The following MACROD2 variants were observed in gnomAD, a reference collection of about 807,000 sequenced individuals.
The protein encoded by MACROD2 is ADP-ribose glycohydrolase MACROD2.
Under a neutral mutation model 70.4 loss-of-function variants are expected in MACROD2, and 36 were observed. The observed-to-expected ratio is 0.51, with a 90% confidence interval of 0.39 to 0.68. The LOEUF is 0.68. Among genes scored for constraint, MACROD2 ranks in the 30% least tolerant of loss-of-function variants. The pLI, the probability that MACROD2 is intolerant of heterozygous loss-of-function variation, is 0.00. For missense variants in MACROD2, 496 were observed against 538.4 expected (o/e 0.92, Z 0.78); for synonymous variants, 172 against 178.8 (o/e 0.96, Z 0.30).
intron 6 of MACROD2, among the ~76,000 whole-genome samples, chr20:15,361,515 A>G (rs1481937649): frequency 6.6e-6 from 1 of 152,110 alleles, no homozygotes; most frequent in Non-Finnish European, 1.5e-5. Flanking sequence ...TTCCCACTTT[A>G]TTCTTCTCTT....
At chr20:15,459,549 G>A (rs964147073) in intron 7 of MACROD2, among the ~76,000 whole-genome samples, 2 of 152,038 alleles carry the variant, frequency 1.3e-5, no homozygotes, top group African/African-American at 2.4e-5. Flanking sequence ...ATCCAAGAAG[G>A]TTTCAGTCTT....
intron 4 of MACROD2, among the ~76,000 whole-genome samples, chr20:14,616,971 G>C (rs1435158472): frequency 1.3e-5 from 2 of 152,116 alleles, no homozygotes; most frequent in Non-Finnish European, 2.9e-5. Context: ...AGACACTTGA[G>C]AGTCTCAATT....
chr20:15,038,214 T>G (rs2075328912), intron 5 of MACROD2, among the ~76,000 whole-genome samples: 1 of 152,220 alleles, frequency 6.6e-6, no homozygotes, highest in South Asian at 2.1e-4. Context: ...TTTGGTATGA[T>G]CGAAAATAGA....
chr20:14,486,351 T>G (rs6079462), intron 3 of MACROD2, among the ~76,000 whole-genome samples: 24,189 of 152,056 alleles, frequency 0.16, 2,197 homozygotes, highest in Non-Finnish European at 0.2. Flanking sequence ...TCCTGTCATC[T>G]GCCAGGGCTC....
chr20:15,557,906 C>G (rs962011495), intron 8 of MACROD2, among the ~76,000 whole-genome samples: 2 of 152,104 alleles, frequency 1.3e-5, no homozygotes, highest in African/African-American at 4.8e-5. Context: ...TCATCAACTT[C>G]CCCCTCATAA....
chr20:15,388,229 C>T (rs7268362), intron 6 of MACROD2, among the ~76,000 whole-genome samples: 2,898 of 151,672 alleles, frequency 0.019, 90 homozygotes, highest in African/African-American at 0.066. Flanking sequence ...ACAGTGTGTG[C>T]AAATGGGGCA....
At chr20:15,587,329 C>T (rs1036424706) in intron 8 of MACROD2, among the ~76,000 whole-genome samples, 9 of 152,268 alleles carry the variant, frequency 5.9e-5, no homozygotes, top group Non-Finnish European at 1.2e-4. Context: ...TCCCACAACA[C>T]GTGGGAATTC....
intron 5 of MACROD2, among the ~76,000 whole-genome samples, chr20:15,068,639 C>T (rs578091840): frequency 6.6e-6 from 1 of 152,248 alleles, no homozygotes; most frequent in South Asian, 2.1e-4. Context: ...GCTGGCTCCC[C>T]CTTTGCCTTC....
intron 15 of MACROD2, among the ~76,000 whole-genome samples, chr20:16,039,007 AG>A (rs1276431200): frequency 2.0e-5 from 3 of 151,918 alleles, no homozygotes; most frequent in African/African-American, 7.2e-5. Flanking sequence ...GGTAGTTAGC[AG>A]GGTACCTCTC....
At chr20:14,852,407 T>G (rs1020321155) in intron 5 of MACROD2, among the ~76,000 whole-genome samples, 4 of 152,100 alleles carry the variant, frequency 2.6e-5, no homozygotes. Context: ...TGGGAAAAAT[T>G]GCAGTGGGCA....
At chr20:15,617,927 A>T (rs2049060971) in intron 8 of MACROD2, among the ~76,000 whole-genome samples, 1 of 152,130 alleles carries the variant, frequency 6.6e-6, no homozygotes, top group African/African-American at 2.4e-5. Flanking sequence ...CAATTGATGC[A>T]GGCATGGAAA....
chr20:15,790,341 T>C (rs1282990962), intron 8 of MACROD2, among the ~76,000 whole-genome samples: 2 of 151,816 alleles, frequency 1.3e-5, no homozygotes, highest in Non-Finnish European at 3.0e-5. Context: ...AAGATAGTAA[T>C]GCCTACTATC....
chr20:14,178,418 G>GA (rs1464042869), intron 3 of MACROD2, among the ~76,000 whole-genome samples: 1 of 152,070 alleles, frequency 6.6e-6, no homozygotes, highest in Non-Finnish European at 1.5e-5. Flanking sequence ...ATTCTGTTAT[G>GA]AAAAAATAGC....
At chr20:14,291,348 C>T (rs758770792) in intron 3 of MACROD2, among the ~76,000 whole-genome samples, 1 of 152,158 alleles carries the variant, frequency 6.6e-6, no homozygotes. Context: ...CTTTTAGAAA[C>T]ATTTTGAGCT....
intron 5 of MACROD2, among the ~76,000 whole-genome samples, chr20:14,966,618 C>T (rs114935232): frequency 0.011 from 1,631 of 152,238 alleles, 31 homozygotes; most frequent in African/African-American, 0.037. Flanking sequence ...CCTCTCTTCC[C>T]GTACAAAGCA....
intron 3 of MACROD2, among the ~76,000 whole-genome samples, chr20:14,315,116 A>G (rs961061074): frequency 8.5e-5 from 13 of 152,360 alleles, no homozygotes; most frequent in African/African-American, 3.1e-4. Context: ...AGAGCAAGAT[A>G]GAAAAGGCAG....
chr20:14,858,589 A>C (rs1220050398), intron 5 of MACROD2, among the ~76,000 whole-genome samples: 1 of 152,128 alleles, frequency 6.6e-6, no homozygotes, highest in Non-Finnish European at 1.5e-5. Context: ...TTTAACATCC[A>C]GACTATAAGA....
chr20:14,211,498 A>G (rs903724135), intron 3 of MACROD2, among the ~76,000 whole-genome samples: 1 of 152,188 alleles, frequency 6.6e-6, no homozygotes, highest in Non-Finnish European at 1.5e-5. Context: ...CTCAGGGAAA[A>G]TGCTAGATAG....
chr20:15,489,120 G>A (rs2047196666), intron 7 of MACROD2, among the ~76,000 whole-genome samples: 1 of 152,174 alleles, frequency 6.6e-6, no homozygotes, highest in Non-Finnish European at 1.5e-5. Context: ...TTCATGTTTT[G>A]CAGTTTTTTA....
Sources: gnomAD v4.1 joint callset for allele counts (sites outside exome capture counted in the v4.1 genomes callset) on GRCh38, gnomAD v4.1.1 for gene constraint, MANE v1.5 for transcripts, NCBI Gene and HGNC (gene_info 2026-07-23, HGNC 2026-07-21) for gene names.